ZMYM4: variants seen among roughly 807,000 people sequenced by gnomAD.
The protein encoded by ZMYM4 is zinc finger MYM-type protein 4.
Under a neutral mutation model 183.2 loss-of-function variants are expected in ZMYM4, and 31 were observed. The observed-to-expected ratio is 0.17, with a 90% CI of 0.13 to 0.23. The LOEUF is 0.23. Ranked by LOEUF, ZMYM4 falls within the 10% of genes least tolerant of loss-of-function variation. The probability of loss-of-function intolerance (pLI) is 1.00; values close to 1 mark genes in which losing one functional copy is unlikely to be tolerated. For missense variants in ZMYM4, 1,273 were observed against 1,840.3 expected, an observed-to-expected ratio of 0.69 and a Z score of 5.64; for synonymous variants, 592 against 631.2, an observed-to-expected ratio of 0.94 and a Z score of 0.93.
intron 1 of ZMYM4, among the ~76,000 whole-genome samples, chr1:35,298,307 C>G (rs180728451): frequency 6.9e-4 from 105 of 152,234 alleles, no homozygotes; most frequent in African/African-American, 2.1e-3. Context: ...ACTTGAGAGG[C>G]TGAGGTGGAA....
At chr1:35,279,824 C>CTTTA (rs1169071408) in intron 1 of ZMYM4, among the ~76,000 whole-genome samples, 7 of 152,142 alleles carry the variant, frequency 4.6e-5, no homozygotes, top group African/African-American at 1.7e-4. Context: ...TCTTTATTTA[C>CTTTA]TTCTGAGACA....
chr1:35,275,767 A>C (rs1360569803), intron 1 of ZMYM4, among the ~76,000 whole-genome samples: 1 of 152,140 alleles, frequency 6.6e-6, no homozygotes, highest in Non-Finnish European at 1.5e-5. Context: ...AAAATTGCTA[A>C]TACTTGACCA....
intron 2 of ZMYM4, chr1:35,351,690 AAAAAAAC>A: frequency 4.1e-6 from 2 of 483,656 alleles, no homozygotes; most frequent in Non-Finnish European, 7.3e-6. Flanking sequence ...AACAGAAATC[AAAAAAAC>A]AAAAAACAAA....
chr1:35,315,256 C>A (rs1641993766), intron 1 of ZMYM4, among the ~76,000 whole-genome samples: 1 of 152,154 alleles, frequency 6.6e-6, no homozygotes, highest in East Asian at 1.9e-4. Context: ...TTCAATAGAA[C>A]ATTTTTAGTA....
At chr1:35,332,403 GT>G (rs569755227) in intron 2 of ZMYM4, among the ~76,000 whole-genome samples, 371 of 126,126 alleles carry the variant, frequency 2.9e-3, no homozygotes, top group East Asian at 7.5e-3. Context: ...TACTGGGGAT[GT>G]TTTTTTTTTT....
At position 35,309,307 on chromosome 1, in the gene ZMYM4, T is replaced by C. The variant is rs181644964; in HGVS notation, c.40-16053T>C. Among the ~76,000 whole-genome samples the C allele has an allele frequency of 2.4e-3, 366 of 152,376 alleles. 2 individuals carry two copies. The highest frequency in any genetic ancestry group is 7.8e-3 in the African/African-American group (325 of 41,592). On this transcript the variant is annotated intron_variant, in intron 1 of 29. Transcript: ENST00000314607. ...TTCTTTGACATAGACCGAAATGTTTTTCTTAAATTTTAAGAATAGCTTTAT... is the reference window on the plus strand; with the variant it reads ...TTCTTTGACATAGACCGAAATGTTTCTCTTAAATTTTAAGAATAGCTTTAT...
chr1:35,351,317 G>T, intron 2 of ZMYM4: 1 of 1,577,030 alleles, frequency 6.3e-7, no homozygotes. Context: ...AGCACATCAT[G>T]GGCCAGAAAG....
At chr1:35,280,125 T>C (rs966516641) in intron 1 of ZMYM4, among the ~76,000 whole-genome samples, 1 of 151,878 alleles carries the variant, frequency 6.6e-6, no homozygotes, top group Non-Finnish European at 1.5e-5. Flanking sequence ...TTCTTTTCTT[T>C]CTTTGTCTCT....
At chr1:35,410,720 C>A (rs57985804) in intron 26 of ZMYM4, among the ~76,000 whole-genome samples, 1 of 150,924 alleles carries the variant, frequency 6.6e-6, no homozygotes, top group African/African-American at 2.4e-5. Context: ...TTGGATCTCC[C>A]ACCTCGTGAT....
intron 7 of ZMYM4, chr1:35,370,892 T>G (rs1201742876): frequency 3.1e-6 from 1 of 322,046 alleles, no homozygotes; most frequent in African/African-American, 2.1e-5. Context: ...TCCTTGTTAG[T>G]TGAAGTGCCT....
Position 35,389,684 on chromosome 1 carries a change from G to C in ZMYM4, c.2437-264G>C, listed in dbSNP as rs145589967. On this transcript the variant is annotated intron_variant, in intron 14 of 29. Transcript: ENST00000314607. The surrounding 1 kb of genome is among the most constrained non-coding windows in gnomAD (Gnocchi z 4.0). Reference sequence around the variant, plus strand: ...GCAGGAGAATTGCATGAACCCAGGAGGTGGAGCTTGCAGTGAGCTGAGATC... The same window carrying C: ...GCAGGAGAATTGCATGAACCCAGGACGTGGAGCTTGCAGTGAGCTGAGATC... Among the ~76,000 whole-genome samples, 2 of 151,640 alleles carry C rather than the reference G, an allele frequency of 1.3e-5. No homozygotes were observed. Among genetic ancestry groups the C allele is most frequent in the East Asian group, 1.9e-4 (1 of 5,180 alleles).
intron 1 of ZMYM4, among the ~76,000 whole-genome samples, chr1:35,314,959 A>G (rs1641978479): frequency 6.6e-6 from 1 of 151,810 alleles, no homozygotes; most frequent in South Asian, 2.1e-4. Context: ...CAGGAGGCAG[A>G]GTTTGCAGTG....
intron 2 of ZMYM4, among the ~76,000 whole-genome samples, chr1:35,345,439 C>T (rs895913980): frequency 7.9e-5 from 12 of 151,622 alleles, no homozygotes; most frequent in Admixed American, 2.0e-4. Context: ...GTGTATCCTC[C>T]ACCACTCCCC....
intron 1 of ZMYM4, among the ~76,000 whole-genome samples, chr1:35,313,555 A>ATT (rs1557979241): frequency 6.6e-6 from 1 of 151,306 alleles, no homozygotes; most frequent in South Asian, 2.1e-4. Flanking sequence ...CACCCGGCTA[A>ATT]TTTTTTGTAT....
intron 20 of ZMYM4, 71 bp from the exon 21 acceptor site, chr1:35,398,342 G>A (rs1644844638): frequency 7.7e-7 from 1 of 1,299,296 alleles, no homozygotes; most frequent in South Asian, 1.3e-5. Flanking sequence ...TGTATATAGT[G>A]CAGTCATTTC....
At chr1:35,289,252 C>T (rs527506601) in intron 1 of ZMYM4, among the ~76,000 whole-genome samples, 92 of 152,224 alleles carry the variant, frequency 6.0e-4, no homozygotes, top group African/African-American at 2.1e-3. Flanking sequence ...AGATGAACTT[C>T]AGGGAGCAAG....
intron 25 of ZMYM4, 74 bp from the exon 26 acceptor site, chr1:35,407,934 A>G (rs1476013009): frequency 2.7e-5 from 42 of 1,584,386 alleles, no homozygotes; most frequent in South Asian, 3.4e-5. Flanking sequence ...GTAGTGTTCA[A>G]TGTTTATTCA....
At chr1:35,352,232 C>A (rs1360350424) in intron 2 of ZMYM4, among the ~76,000 whole-genome samples, 1 of 151,594 alleles carries the variant, frequency 6.6e-6, no homozygotes, top group Non-Finnish European at 1.5e-5. Flanking sequence ...GACCTTGTCT[C>A]TACTAATAAT....
In ZMYM4 at chr1:35,386,685, T is replaced by G. The variant is rs148955482; in HGVS notation, c.1837-318T>G. 3.9e-5 allele frequency among the ~76,000 whole-genome samples: 6 copies of G among 152,372 alleles called. No individual in the cohort carries two copies. In the East Asian group the frequency reaches 1.2e-3, roughly 29 times the overall value. ...GTATAAGTTTCTATATCATTCCTAT[T>G]AAACTTGGATTTGTAGTTCATTCTG... On this transcript the variant is annotated intron_variant, in intron 11 of 29. Transcript: ENST00000314607.
Sources: allele counts gnomAD v4.1 joint callset (sites outside exome capture counted in the v4.1 genomes callset), GRCh38; gene constraint gnomAD v4.1.1; non-coding constraint Gnocchi (gnomAD v3.1); transcripts MANE v1.5; gene names NCBI Gene and HGNC (gene_info 2026-07-23, HGNC 2026-07-21).